Variants in PDZRN4 observed in about 807,000 individuals in gnomAD.
The protein encoded by PDZRN4 is PDZ domain containing ring finger 4, also known as PDZ domain-containing RING finger protein 4.
Under a neutral mutation model 99.0 loss-of-function variants are expected in PDZRN4, and 70 were observed. The ratio of observed to expected loss-of-function variants is 0.71; its 90% CI spans 0.58 to 0.86. The LOEUF is 0.86. Ranked by LOEUF, PDZRN4 falls within the 40% of genes least tolerant of loss-of-function variation. The probability of loss-of-function intolerance (pLI) is 0.00; values close to 1 mark genes in which losing one functional copy is unlikely to be tolerated. For missense variants in PDZRN4, 1,474 were observed against 1,331.2 expected, an observed-to-expected ratio of 1.11 and a Z score of -1.67; for synonymous variants, 551 against 501.6, an observed-to-expected ratio of 1.10 and a Z score of -1.32.
chr12:41,363,899 C>G (rs1279254908), intron 3 of PDZRN4, among the ~76,000 whole-genome samples: 1 of 152,022 alleles, frequency 6.6e-6, no homozygotes, highest in East Asian at 1.9e-4. Context: ...AATTCCTCAT[C>G]TTTGGAACTT....
intron 8 of PDZRN4, among the ~76,000 whole-genome samples, chr12:41,564,328 T>A (rs929614261): frequency 6.6e-6 from 1 of 152,154 alleles, no homozygotes; most frequent in African/African-American, 2.4e-5. Flanking sequence ...TGGAAGAAGA[T>A]GTCATGAAAG....
At chr12:41,517,368 T>C (rs1258592618) in intron 5 of PDZRN4, among the ~76,000 whole-genome samples, 2 of 152,074 alleles carry the variant, frequency 1.3e-5, no homozygotes, top group Non-Finnish European at 2.9e-5. Flanking sequence ...GAGGATTTCC[T>C]TGCATTACTG....
chr12:41,400,207 G>T (rs981468030), intron 3 of PDZRN4, among the ~76,000 whole-genome samples: 1 of 152,076 alleles, frequency 6.6e-6, no homozygotes, highest in Non-Finnish European at 1.5e-5. Context: ...TCCCTGTTGT[G>T]CATTTAACTG....
chr12:41,214,430 T>TTAAAAAAAA lies in PDZRN4; in HGVS notation c.843+20242_843+20243insTAAAAAAAA, dbSNP rs1555216879. Among the ~76,000 whole-genome samples, 19 of 34,084 alleles carry TTAAAAAAAA rather than the reference T, an allele frequency of 5.6e-4. 1 individual carries two copies. The East Asian group carries it at 0.017, about 31-fold the overall frequency. 22.4% of individuals were successfully genotyped at this position (34,084 alleles called of 152,430 possible). On this transcript the variant is annotated intron_variant, in intron 3 of 9. Transcript: ENST00000402685. ...GGCAATAGAAGGAGACCCTGTCCCC[T>TTAAAAAAAA]AAAAAAAAAAAAAAAAAAAAGTTAT...
intron 3 of PDZRN4, among the ~76,000 whole-genome samples, chr12:41,464,299 A>G (rs78018720): frequency 2.6e-4 from 1 of 3,866 alleles, no homozygotes; most frequent in African/African-American, 3.0e-4. Flanking sequence ...GCTTTCAGGA[A>G]AAAAAAAAAA....
intron 3 of PDZRN4, among the ~76,000 whole-genome samples, chr12:41,213,015 T>C (rs924164357): frequency 3.3e-5 from 5 of 151,992 alleles, no homozygotes; most frequent in African/African-American, 9.7e-5. Context: ...TGACTACACA[T>C]CTGGGTTGCC....
At position 41,480,555 on chromosome 12, in the gene PDZRN4, A is replaced by T. The variant is rs1012141348; in HGVS notation, c.844-25901A>T. Among the ~76,000 whole-genome samples, 96 of 152,242 alleles carry T rather than the reference A, an allele frequency of 6.3e-4. 1 individual carries two copies. The highest frequency in any genetic ancestry group is 2.2e-3 in the African/African-American group (91 of 41,540). ...AATGCCTGGTGGGACAGTTTCTACA[A>T]TGTATTTACTTCTACATGAATGAAG... On this transcript the variant is annotated intron_variant, in intron 3 of 9. Transcript: ENST00000402685.
chr12:41,291,885 T>C (rs963043526), intron 3 of PDZRN4, among the ~76,000 whole-genome samples: 1 of 152,052 alleles, frequency 6.6e-6, no homozygotes, highest in Non-Finnish European at 1.5e-5. Flanking sequence ...ACCTGGTACA[T>C]GAGATGCAAC....
chr12:41,393,918 C>T (rs1952227580), intron 3 of PDZRN4, among the ~76,000 whole-genome samples: 1 of 152,150 alleles, frequency 6.6e-6, no homozygotes, highest in Admixed American at 6.5e-5. Flanking sequence ...AGCGTCTCTG[C>T]AATGACAATT....
intron 5 of PDZRN4, among the ~76,000 whole-genome samples, chr12:41,526,827 A>G (rs778481338): frequency 5.9e-5 from 9 of 152,192 alleles, no homozygotes; most frequent in Non-Finnish European, 1.3e-4. Flanking sequence ...TTGATATTTT[A>G]CTAAATTTTG....
intron 3 of PDZRN4, among the ~76,000 whole-genome samples, chr12:41,229,385 A>C (rs1482478629): frequency 3.3e-5 from 5 of 151,988 alleles, no homozygotes; most frequent in African/African-American, 1.2e-4. Context: ...GTTCAAGATC[A>C]CAACCAAAAT....
intron 3 of PDZRN4, among the ~76,000 whole-genome samples, chr12:41,395,778 G>A (rs1296686843): frequency 6.6e-6 from 1 of 152,064 alleles, no homozygotes; most frequent in East Asian, 1.9e-4. Context: ...TGGAAGACTG[G>A]ACACACATTG....
At chr12:41,199,089 C>A (rs1282819893) in intron 3 of PDZRN4, among the ~76,000 whole-genome samples, 1 of 152,128 alleles carries the variant, frequency 6.6e-6, no homozygotes, top group Admixed American at 6.6e-5. Context: ...TGAATCAGAT[C>A]TGCAAGGTGC....
chr12:41,432,740 G>T (rs1952595525), intron 3 of PDZRN4, among the ~76,000 whole-genome samples: 1 of 152,232 alleles, frequency 6.6e-6, no homozygotes, highest in Admixed American at 6.5e-5. Flanking sequence ...ACTGCTAGCT[G>T]ATGGGATCAA....
chr12:41,517,793 T>C (rs181592168), intron 5 of PDZRN4, among the ~76,000 whole-genome samples: 1 of 152,204 alleles, frequency 6.6e-6, no homozygotes, highest in East Asian at 1.9e-4. Flanking sequence ...CCCACATTTT[T>C]TTTTAGTTGT....
chr12:41,459,930 A>G, intron 3 of PDZRN4: 1 of 1,261,918 alleles, frequency 7.9e-7, no homozygotes, highest in Non-Finnish European at 1.0e-6. Context: ...ACTGAAGGAG[A>G]AAAAATGACC....
intron 3 of PDZRN4, among the ~76,000 whole-genome samples, chr12:41,372,949 G>A (rs113705211): frequency 0.017 from 2,527 of 152,246 alleles, 70 homozygotes; most frequent in African/African-American, 0.056. Context: ...TTCCCTAAGT[G>A]TTGGCTGGTC....
chr12:41,337,088 G>C (rs1430277428), intron 3 of PDZRN4, among the ~76,000 whole-genome samples: 1 of 152,052 alleles, frequency 6.6e-6, no homozygotes, highest in East Asian at 1.9e-4. Flanking sequence ...GAAAAGGGCT[G>C]TTATCAATTT....
chr12:41,431,618 A>G (rs1161917255), intron 3 of PDZRN4, among the ~76,000 whole-genome samples: 1 of 152,236 alleles, frequency 6.6e-6, no homozygotes, highest in Non-Finnish European at 1.5e-5. Flanking sequence ...CAAGGCTCAG[A>G]TGAGAAGCCT....
Sources: allele counts gnomAD v4.1 joint callset (sites outside exome capture counted in the v4.1 genomes callset), GRCh38; gene constraint gnomAD v4.1.1; transcripts MANE v1.5; gene names NCBI Gene and HGNC (gene_info 2026-07-23, HGNC 2026-07-21).